NAALADL2: variants seen among roughly 807,000 people sequenced by gnomAD.
NAALADL2 encodes the protein N-acetylated alpha-linked acidic dipeptidase like 2, also known as inactive N-acetylated-alpha-linked acidic dipeptidase-like protein 2.
A neutral mutation model predicts 87.2 loss-of-function variants in NAALADL2; 76 were observed. The ratio of observed to expected loss-of-function variants is 0.87; its 90% confidence interval spans 0.72 to 1.05. The LOEUF is 1.05. NAALADL2 is among the 50% of genes least tolerant of loss of function. The probability of loss-of-function intolerance (pLI) is 0.00; values close to 1 mark genes in which losing one functional copy is unlikely to be tolerated. For synonymous variants in NAALADL2, 354 were observed against 331.0 expected, an observed-to-expected ratio of 1.07 and a Z score of -0.75; for missense variants, 1,089 against 945.8, an observed-to-expected ratio of 1.15 and a Z score of -1.99.
intron 1 of NAALADL2, among the ~76,000 whole-genome samples, chr3:175,029,422 T>C (rs2108904228): frequency 6.6e-6 from 1 of 152,166 alleles, no homozygotes; most frequent in African/African-American, 2.4e-5. Context: ...AGGCAAGGTT[T>C]ACTAAAAACA....
At chr3:174,885,233 C>A (rs989165964) in intron 1 of NAALADL2, among the ~76,000 whole-genome samples, 2 of 152,118 alleles carry the variant, frequency 1.3e-5, no homozygotes, top group Non-Finnish European at 2.9e-5. Flanking sequence ...CATTGCAGGT[C>A]GGCCACTCGC....
At chr3:174,663,061 C>A (rs1725652078) in intron 2 of NAALADL2, among the ~76,000 whole-genome samples, 1 of 151,970 alleles carries the variant, frequency 6.6e-6, no homozygotes. Context: ...GTTTACAAAG[C>A]ATTATATTCT....
chr3:174,657,143 C>A (rs9846704), intron 2 of NAALADL2, among the ~76,000 whole-genome samples: 12,615 of 150,560 alleles, frequency 0.084, 1,817 homozygotes, highest in African/African-American at 0.29. Flanking sequence ...AATCCTCCCA[C>A]CCCAGCCTCT....
chr3:174,456,448 A>C (rs1397225243), intron 1 of NAALADL2, among the ~76,000 whole-genome samples: 1 of 147,828 alleles, frequency 6.8e-6, no homozygotes, highest in Admixed American at 6.9e-5. Flanking sequence ...AGGAAGCATC[A>C]CTCTACCTGA....
At chr3:174,947,689 G>A (rs1300515495) in intron 1 of NAALADL2, among the ~76,000 whole-genome samples, 1 of 151,056 alleles carries the variant, frequency 6.6e-6, no homozygotes, top group Non-Finnish European at 1.5e-5. Flanking sequence ...TAGTATACAG[G>A]TTTTAAAAAA....
At chr3:174,909,237 T>C (rs960644139) in intron 1 of NAALADL2, among the ~76,000 whole-genome samples, 1 of 151,878 alleles carries the variant, frequency 6.6e-6, no homozygotes, top group Non-Finnish European at 1.5e-5. Flanking sequence ...CTACTAAAAA[T>C]ACAAAAATTA....
intron 5 of NAALADL2, among the ~76,000 whole-genome samples, chr3:175,443,443 C>T (rs544126010): frequency 2.6e-5 from 4 of 152,026 alleles, no homozygotes; most frequent in Non-Finnish European, 4.4e-5. Context: ...TTTTTATCTA[C>T]AAAACTTAAT....
intron 11 of NAALADL2, among the ~76,000 whole-genome samples, chr3:175,655,921 A>G (rs1354368087): frequency 6.6e-6 from 1 of 152,182 alleles, no homozygotes; most frequent in African/African-American, 2.4e-5. Flanking sequence ...TGCATCTTAC[A>G]TGGCTTGCTG....
chr3:174,772,949 C>A (rs770398314), intron 3 of NAALADL2, among the ~76,000 whole-genome samples: 2 of 152,126 alleles, frequency 1.3e-5, no homozygotes, highest in East Asian at 1.9e-4. Flanking sequence ...TGCCATCAGT[C>A]CAGTTCTGAA....
chr3:175,563,790 C>A (rs16825963), intron 9 of NAALADL2, among the ~76,000 whole-genome samples: 19,679 of 152,078 alleles, frequency 0.13, 1,375 homozygotes, highest in Middle Eastern at 0.17. Flanking sequence ...GGCCCTTACA[C>A]CTGGAGCAAA....
At chr3:175,373,710 T>C (rs1462810580) in intron 5 of NAALADL2, among the ~76,000 whole-genome samples, 1 of 152,174 alleles carries the variant, frequency 6.6e-6, no homozygotes, top group East Asian at 1.9e-4. Flanking sequence ...ACATAGTAAG[T>C]GTATTTTAAC....
intron 11 of NAALADL2, among the ~76,000 whole-genome samples, chr3:175,736,377 A>G (rs914200237): frequency 6.6e-6 from 1 of 152,236 alleles, no homozygotes; most frequent in Non-Finnish European, 1.5e-5. Context: ...TTAAAAAGCA[A>G]TTAGGAATAG....
At chr3:174,962,644 A>G (rs1742283673) in intron 1 of NAALADL2, among the ~76,000 whole-genome samples, 1 of 151,966 alleles carries the variant, frequency 6.6e-6, no homozygotes, top group South Asian at 2.1e-4. Context: ...CTCTTACCTC[A>G]GAGAGATAAC....
rs139356199 is a variant in NAALADL2, at chr3:175,397,074, G to T, written c.1091-50155G>T. Among the ~76,000 whole-genome samples the T allele has an allele frequency of 3.9e-3, 600 of 151,904 alleles. 3 individuals are homozygous for T. Among genetic ancestry groups the T allele is most frequent in the Middle Eastern group, 0.01 (3 of 292 alleles). The stretch of plus-strand genomic sequence containing the variant: ...TGCCTTGATACTTAGTGGCATTTTC[G>T]TATTATGGAGTCATTAACAGTGTGA... On this transcript the variant is annotated intron_variant, in intron 5 of 13. Coordinates refer to ENST00000454872, the MANE Select transcript of NAALADL2 (RefSeq NM_207015.3).
chr3:175,640,686 T>G (rs899841227), intron 11 of NAALADL2, among the ~76,000 whole-genome samples: 4 of 152,218 alleles, frequency 2.6e-5, no homozygotes, highest in Non-Finnish European at 5.9e-5. Context: ...CCATCATTCA[T>G]TTGAAGAATA....
In NAALADL2 at chr3:175,234,020, T is replaced by C; in HGVS notation, c.635T>C (p.Val212Ala). The C allele has an allele frequency of 6.2e-7, 1 of 1,613,838 alleles. No individual in the cohort carries two copies. The highest frequency in any genetic ancestry group is 1.6e-4 in the Middle Eastern group (1 of 6,062). ...TQWTSLGLED[V>A]QFVNYSVLLD... ...TGGACCTCTTTGGGCCTAGAAGATGTACAGTTTGTAAATTACTCTGTGCTG... is the reference window on the plus strand; with the variant it reads ...TGGACCTCTTTGGGCCTAGAAGATGCACAGTTTGTAAATTACTCTGTGCTG... Residue 212 changes from valine to alanine, a missense_variant, in exon 3 of 14, where the codon GTA becomes GCA. Physicochemically the swap from Val to Ala is moderately conservative, Grantham distance 64. Transcript: ENST00000454872.
At chr3:174,840,157 A>G (rs560635569) in intron 3 of NAALADL2, among the ~76,000 whole-genome samples, 1 of 151,622 alleles carries the variant, frequency 6.6e-6, no homozygotes, top group East Asian at 1.9e-4. Flanking sequence ...TATATCTAAT[A>G]TATATATCTA....
intron 1 of NAALADL2, among the ~76,000 whole-genome samples, chr3:174,945,203 C>G (rs1739223631): frequency 6.6e-6 from 1 of 152,174 alleles, no homozygotes; most frequent in Admixed American, 6.5e-5. Context: ...GTGTACCAGG[C>G]TCTGAGCCAA....
chr3:175,317,141 C>T (rs1014905600), intron 4 of NAALADL2, among the ~76,000 whole-genome samples: 8 of 152,102 alleles, frequency 5.3e-5, no homozygotes, highest in South Asian at 4.1e-4. Flanking sequence ...GAAAAATTCA[C>T]GTTCTGTATT....
Sources: gnomAD v4.1 joint callset for allele counts (sites outside exome capture counted in the v4.1 genomes callset) on GRCh38, gnomAD v4.1.1 for gene constraint, MANE v1.5 for transcripts, NCBI Gene and HGNC (gene_info 2026-07-23, HGNC 2026-07-21) for gene names.